Variants in MOB3A observed in about 807,000 individuals in gnomAD.
MOB3A encodes the protein MOB kinase activator 3A, also known as MOB LAK.
Under a neutral mutation model 17.8 loss-of-function variants are expected in MOB3A, and 17 were observed. The observed-to-expected ratio is 0.95, with a 90% CI of 0.65 to 1.43. The LOEUF (loss-of-function observed/expected upper bound fraction) is 1.43. Ranked by LOEUF, MOB3A falls within the 40% of genes most tolerant of loss-of-function variation. The pLI, the probability that MOB3A is intolerant of heterozygous loss-of-function variation, is 0.00. For missense variants in MOB3A, 333 were observed against 310.8 expected, an observed-to-expected ratio of 1.07 and a Z score of -0.54; for synonymous variants, 124 against 133.2, an observed-to-expected ratio of 0.93 and a Z score of 0.48.
At chr19:2,077,094 G>T in intron 3 of MOB3A, 81 bp from the exon 4 acceptor site, 8 of 1,296,904 alleles carry the variant, frequency 6.2e-6, no homozygotes, top group African/African-American at 1.5e-5. Flanking sequence ...TGTGACAAGG[G>T]GCTTCCAGAC....
intron 1 of MOB3A, among the ~76,000 whole-genome samples, chr19:2,090,335 A>C (rs972797508): frequency 1.8e-4 from 27 of 152,146 alleles, no homozygotes; most frequent in African/African-American, 6.5e-4. Context: ...CGTGGCCCAG[A>C]GGATGTTGGC....
chr19:2,081,296 G>C (rs373611006), intron 2 of MOB3A, among the ~76,000 whole-genome samples: 5 of 152,160 alleles, frequency 3.3e-5, no homozygotes, highest in African/African-American at 7.2e-5. Flanking sequence ...TGGAAAAAAA[G>C]CAAGTTAGAG....
chr19:2,075,130 G>A (rs912078493), intron 4 of MOB3A, among the ~76,000 whole-genome samples: 3 of 151,560 alleles, frequency 2.0e-5, no homozygotes, highest in Admixed American at 2.0e-4. Flanking sequence ...CCAGGCACAA[G>A]CAATTCTCCT....
chr19:2,073,473 G>C, intron 4 of MOB3A, 49 bp from the exon 5 acceptor site: 1 of 1,612,446 alleles, frequency 6.2e-7, no homozygotes, highest in Non-Finnish European at 8.5e-7. Context: ...CTCCTAAAAG[G>C]GGTGATGCGA....
intron 1 of MOB3A, chr19:2,089,995 G>A (rs1599412010): frequency 2.0e-5 from 3 of 152,500 alleles, no homozygotes; most frequent in Admixed American, 2.0e-4. Context: ...CCTGGGGCAA[G>A]ACCTCAGCTA....
rs1175087473 is a variant in MOB3A at position 2,072,504 on chromosome 19, A to T, written c.*891T>A. The T allele has an allele frequency of 1.3e-5, 2 of 152,174 alleles. No individual in the cohort carries two copies. Among genetic ancestry groups the T allele is most frequent in the African/African-American group, 4.8e-5 (2 of 41,434 alleles). 9.4% of individuals were successfully genotyped at this position (152,174 alleles called of 1,614,324 possible). On this transcript the variant is annotated 3_prime_UTR_variant, in exon 5 of 5. Transcript: ENST00000357066. ...ATAAAAATCAAACCCTTTATGATAC[A>T]CAAAGGGGCCCTTAGGAAATGAGTC...
intron 1 of MOB3A, among the ~76,000 whole-genome samples, chr19:2,091,528 C>T (rs989044180): frequency 4.6e-5 from 7 of 150,628 alleles, no homozygotes; most frequent in East Asian, 4.0e-4. Flanking sequence ...GGATTACAGG[C>T]GCCCGCCACT....
At chr19:2,079,135 A>T (rs2144921214) in intron 2 of MOB3A, among the ~76,000 whole-genome samples, 1 of 152,336 alleles carries the variant, frequency 6.6e-6, no homozygotes, top group East Asian at 1.9e-4. Flanking sequence ...GACAGAAGAG[A>T]ACTGCGCGTG....
chr19:2,091,726 C>T (rs913887023), intron 1 of MOB3A, among the ~76,000 whole-genome samples: 3 of 148,664 alleles, frequency 2.0e-5, no homozygotes, highest in African/African-American at 4.9e-5. Flanking sequence ...AGCCGGGGTG[C>T]GGTGGCTCAT....
chr19:2,073,769 G>A (rs564363567), intron 4 of MOB3A, among the ~76,000 whole-genome samples: 3 of 152,248 alleles, frequency 2.0e-5, no homozygotes. Context: ...GGTGGCTCAC[G>A]CCTGTAATCC....
Position 2,073,379 on chromosome 19 carries a change from G to A in MOB3A, c.*16C>T. 5 of 1,613,260 alleles carry A rather than the reference G, an allele frequency of 3.1e-6. No individual in the cohort carries two copies. The highest frequency in any genetic ancestry group is 4.2e-6 in the Non-Finnish European group (5 of 1,179,932). On this transcript the variant is annotated 3_prime_UTR_variant, in exon 5 of 5. Coordinates refer to ENST00000357066, the MANE Select transcript of MOB3A (RefSeq NM_130807.3). ...GCCCCAGCGGCGGTTCGGGCACCGG[G>A]AGACCCGCGGGGCTCTCAGTGGCAC...
In MOB3A at chr19:2,076,915, T is replaced by A; in HGVS notation, c.520A>T (p.Ile174Phe). The change falls in exon 4 of 5, where the codon ATC becomes TTC. Residue 174 changes from isoleucine (I) to phenylalanine (F), a missense_variant. Physicochemically the swap from Ile to Phe is conservative, Grantham distance 21. Coordinates refer to ENST00000357066, the MANE Select transcript of MOB3A (RefSeq NM_130807.3). ...TGGGCCTCGGAGCCCATCTGCGCGATGCGGTCAAAGTGGTGGATGTAGACG... is the reference window on the plus strand; with the variant it reads ...TGGGCCTCGGAGCCCATCTGCGCGAAGCGGTCAAAGTGGTGGATGTAGACG... The part of the protein sequence containing the change: ...VHVYIHHFDR[I>F]AQMGSEAHVN... 6.2e-7 allele frequency: 1 copy of A among 1,614,040 alleles called. No individual in the cohort carries two copies. The highest frequency in any genetic ancestry group is 8.5e-7 in the Non-Finnish European group (1 of 1,180,040).
Position 2,076,924 on chromosome 19 carries a change from AGTG to A in MOB3A, c.508_510del (p.His170del), listed in dbSNP as rs1164071539. 6.2e-7 allele frequency: 1 copy of A among 1,613,912 alleles called. No homozygotes were observed. Among genetic ancestry groups the A allele is most frequent in the South Asian group, 1.1e-5 (1 of 91,092 alleles). ...GAGCCCATCTGCGCGATGCGGTCAAAGTGGTGGATGTAGACGTGCACGAACACG... is the reference window on the plus strand; with the variant it reads ...GAGCCCATCTGCGCGATGCGGTCAAAGTGGATGTAGACGTGCACGAACACG... On this transcript the variant is annotated inframe_deletion, in exon 4 of 5. Coordinates refer to ENST00000357066, the MANE Select transcript of MOB3A (RefSeq NM_130807.3).
intron 2 of MOB3A, among the ~76,000 whole-genome samples, chr19:2,081,141 G>A (rs1488268641): frequency 2.0e-5 from 3 of 152,126 alleles, no homozygotes; most frequent in African/African-American, 7.2e-5. Flanking sequence ...AATAAGGTGT[G>A]AGCAGAGCTG....
At chr19:2,083,839 G>T (rs2017519761) in intron 2 of MOB3A, among the ~76,000 whole-genome samples, 1 of 152,218 alleles carries the variant, frequency 6.6e-6, no homozygotes, top group Admixed American at 6.5e-5. Context: ...TCCAGCAGTG[G>T]TATTGCAGCC....
chr19:2,074,780 C>CGATCTCAG (rs996735784), intron 4 of MOB3A, among the ~76,000 whole-genome samples: 4 of 151,220 alleles, frequency 2.6e-5, no homozygotes, highest in African/African-American at 9.7e-5. Context: ...TGCAATGGCG[C>CGATCTCAG]GATCTCAGCT....
intron 2 of MOB3A, chr19:2,084,183 T>C (rs2144929231): frequency 4.1e-6 from 2 of 483,960 alleles, no homozygotes; most frequent in East Asian, 1.2e-4. Context: ...CCTCTTGGCA[T>C]GTCTGTCTCC....
chr19:2,078,295 G>C lies in MOB3A; in HGVS notation c.266C>G (p.Pro89Arg), dbSNP rs1321593466. The part of the protein sequence containing the change: ...ISDGCTEQSC[P>R]VMSGGPKYEY... ...ATACTTGGGGCCCCCCGACATGACGGGGCAGGACTGCTCCGTGCAGCCGTC... is the reference window on the plus strand; with the variant it reads ...ATACTTGGGGCCCCCCGACATGACGCGGCAGGACTGCTCCGTGCAGCCGTC... Residue 89 changes from proline (P) to arginine (R), a missense_variant, in exon 3 of 5, where the codon CCC becomes CGC. Coordinates refer to ENST00000357066, the MANE Select transcript of MOB3A (RefSeq NM_130807.3). 10 of 1,614,118 alleles carry C rather than the reference G, an allele frequency of 6.2e-6. No homozygotes were observed. In the South Asian group the frequency reaches 1.1e-4, roughly 18 times the overall value.
intron 1 of MOB3A, among the ~76,000 whole-genome samples, chr19:2,088,837 G>A (rs2017582240): frequency 6.6e-6 from 1 of 151,940 alleles, no homozygotes; most frequent in Admixed American, 6.6e-5. Flanking sequence ...TCCTGACCTC[G>A]AGCAGTCCTC....
Sources: allele counts gnomAD v4.1 joint callset (sites outside exome capture counted in the v4.1 genomes callset), GRCh38; gene constraint gnomAD v4.1.1; transcripts MANE v1.5; gene names NCBI Gene and HGNC (gene_info 2026-07-23, HGNC 2026-07-21).